Variants in MVK observed in about 807,000 individuals in gnomAD.
MVK encodes LH receptor mRNA-binding protein.
Under a neutral mutation model 43.2 loss-of-function variants are expected in MVK, and 34 were observed. The ratio of observed to expected loss-of-function variants is 0.79; its 90% CI spans 0.60 to 1.05. The LOEUF (loss-of-function observed/expected upper bound fraction) is 1.05, where lower values mean the gene tolerates loss of function less well. MVK is among the 50% of genes least tolerant of loss of function. The pLI, the probability that MVK is intolerant of heterozygous loss-of-function variation, is 0.00. For synonymous variants in MVK, 190 were observed against 219.8 expected, an observed-to-expected ratio of 0.86 and a Z score of 1.20; for missense variants, 395 against 504.0, an observed-to-expected ratio of 0.78 and a Z score of 2.07.
rs1171848070 is a variant in MVK, at chr12:109,597,251, T to C, written c.*674T>C. 6.4e-6 allele frequency: 1 copy of C among 156,728 alleles called. No homozygotes were observed. Among genetic ancestry groups the C allele is most frequent in the African/African-American group, 2.4e-5 (1 of 41,472 alleles). 9.7% of individuals were successfully genotyped at this position (156,728 alleles called of 1,614,324 possible). ...AGATGGCAAATGGGGAATAAAAAGA[T>C]TTTGTGTCAACAGTAGAGACTCCAG... On this transcript the variant is annotated 3_prime_UTR_variant, in exon 11 of 11. Coordinates refer to ENST00000228510, the MANE Select transcript of MVK (RefSeq NM_000431.4).
chr12:109,586,799 G>T lies in MVK; in HGVS notation c.677G>T (p.Arg226Met). The T allele has an allele frequency of 6.2e-7, 1 of 1,614,116 alleles. No homozygotes were observed. The highest frequency in any genetic ancestry group is 8.5e-7 in the Non-Finnish European group (1 of 1,179,996). Residue 226 changes from arginine to methionine, a missense_variant and splice_region_variant, in exon 7 of 11, where the codon AGG becomes ATG. Arg to Met is a moderately conservative substitution (Grantham distance 91). Coordinates refer to ENST00000228510, the MANE Select transcript of MVK (RefSeq NM_000431.4). ...YHQGKISSLKRSPALQILLTN... is the reference protein window; with the variant it reads ...YHQGKISSLKMSPALQILLTN... Reference sequence around the variant, plus strand: ...CAAGGGAAGATTTCATCCTTAAAGAGGTAACCTGGGGGTGGAGCAGCACAT... The same window carrying T: ...CAAGGGAAGATTTCATCCTTAAAGATGTAACCTGGGGGTGGAGCAGCACAT...
intron 3 of MVK, chr12:109,579,370 G>A: frequency 5.7e-6 from 2 of 353,154 alleles, no homozygotes; most frequent in Non-Finnish European, 1.1e-5. Flanking sequence ...AAACTCCTAG[G>A]CACAAGTGAT....
chr12:109,574,206 C>T lies in MVK; in HGVS notation c.-15+333C>T, dbSNP rs531758779. ...TGTAAATTGCACACACCTATAGACC[C>T]TGCAAGCTCCTTTCTAGGACTCTGT... On this transcript the variant is annotated intron_variant, in intron 1 of 10. Transcript: ENST00000228510. Among the ~76,000 whole-genome samples, 4 of 152,300 alleles carry T rather than the reference C, an allele frequency of 2.6e-5. No homozygotes were observed. In the East Asian group the frequency reaches 7.7e-4, roughly 29 times the overall value.
intron 1 of MVK, among the ~76,000 whole-genome samples, chr12:109,574,414 G>C (rs1884828809): frequency 6.6e-6 from 1 of 152,246 alleles, no homozygotes. Context: ...ACGAAGAACA[G>C]AGCCAGTAAT....
chr12:109,594,101 AAG>A (rs1885809253), intron 9 of MVK, among the ~76,000 whole-genome samples: 1 of 151,886 alleles, frequency 6.6e-6, no homozygotes, highest in South Asian at 2.1e-4. Flanking sequence ...CACGACCAAA[AAG>A]GGGCAGAGCA....
rs78710155 is a variant in MVK at position 109,590,947 on chromosome 12, G to C, written c.768+86G>C. Reference sequence around the variant, plus strand: ...TTTTCGAGGTCTCCCTCTGGCTGATGGGTTATAGGGGGTGTGGTGGGTGGT... The same window carrying C: ...TTTTCGAGGTCTCCCTCTGGCTGATCGGTTATAGGGGGTGTGGTGGGTGGT... On this transcript the variant is annotated intron_variant, in intron 8 of 10. Transcript: ENST00000228510. 3,819 of 1,381,892 alleles carry C rather than the reference G, an allele frequency of 2.8e-3. 96 individuals carry two copies. The African/African-American group carries it at 0.049, about 18-fold the overall frequency. The allele number at this position is 1,381,892 out of a possible 1,614,324, so 85.6% of individuals were successfully genotyped here. A position where few individuals can be genotyped will look rare whatever the true frequency, so the allele number is the denominator to read the frequency against.
intron 8 of MVK, 99 bp downstream of exon 8, chr12:109,590,960 TGTGGTGG>T: frequency 1.5e-6 from 2 of 1,298,968 alleles, no homozygotes; most frequent in Non-Finnish European, 2.2e-6. Context: ...TTATAGGGGG[TGTGGTGG>T]GTGGTGGGGG....
intron 3 of MVK, among the ~76,000 whole-genome samples, chr12:109,577,081 T>C (rs924301894): frequency 5.3e-5 from 8 of 152,212 alleles, no homozygotes; most frequent in African/African-American, 1.9e-4. Context: ...GACAGGGAGA[T>C]ATCTTGGTTT....
At chr12:109,588,000 G>A (rs1453471592) in intron 7 of MVK, 1 of 104,992 alleles carries the variant, frequency 9.5e-6, no homozygotes, top group East Asian at 2.6e-4. Flanking sequence ...CACCCTTGCC[G>A]CCGACCTTTG....
chr12:109,580,116 C>CT (rs1395040358), intron 4 of MVK, among the ~76,000 whole-genome samples, 170 bp downstream of exon 4: 2 of 151,914 alleles, frequency 1.3e-5, no homozygotes, highest in Non-Finnish European at 2.9e-5. Flanking sequence ...TATGGCGTGC[C>CT]TTTTTTTTGA....
intron 7 of MVK, chr12:109,589,754 T>A (rs1885590513): frequency 6.6e-6 from 1 of 152,240 alleles, no homozygotes; most frequent in Non-Finnish European, 1.5e-5. Flanking sequence ...TCTGCCCGTC[T>A]CCAGCTGTCT....
chr12:109,573,347 C>G (rs780742465), upstream of MVK: 1 of 1,613,306 alleles, frequency 6.2e-7, no homozygotes, highest in South Asian at 1.1e-5. Flanking sequence ...AGCCACTCAC[C>G]TGTCCCCGTC....
chr12:109,573,857 G>A lies in MVK; in HGVS notation c.-31G>A. On this transcript the variant is annotated 5_prime_UTR_variant, in exon 1 of 11. Coordinates refer to ENST00000228510, the MANE Select transcript of MVK (RefSeq NM_000431.4). Reference sequence around the variant, plus strand: ...GGCGCGGAGGGGCGGCGGCCGGGGAGGCGGCGGCGGCGGCAGGTGAGAGGC... The same window carrying A: ...GGCGCGGAGGGGCGGCGGCCGGGGAAGCGGCGGCGGCGGCAGGTGAGAGGC... 1 of 205,044 alleles carries A rather than the reference G, an allele frequency of 4.9e-6. No individual in the cohort carries two copies. 12.7% of individuals were successfully genotyped at this position (205,044 alleles called of 1,614,324 possible).
At position 109,595,219 on chromosome 12, in the gene MVK, GCTC is replaced by G. The variant is rs761824145; in HGVS notation, c.1039+41_1039+43del. The G allele has an allele frequency of 6.2e-7, 1 of 1,611,948 alleles. No individual in the cohort carries two copies. The highest frequency in any genetic ancestry group is 1.1e-5 in the South Asian group (1 of 91,028). On this transcript the variant is annotated intron_variant, in intron 10 of 10. Transcript: ENST00000228510. The surrounding 1 kb of genome is among the most constrained non-coding windows in gnomAD (Gnocchi z 5.9). The stretch of plus-strand genomic sequence containing the variant: ...TAGGTGGGCCAGGCTGCCAGCCTGG[GCTC>G]CTAAGAGGGGTCCACCTGGAGAATT...
chr12:109,582,989 A>G (rs1377693078), intron 5 of MVK, among the ~76,000 whole-genome samples: 6 of 151,194 alleles, frequency 4.0e-5, no homozygotes, highest in African/African-American at 1.5e-4. Flanking sequence ...AATTCAGCCC[A>G]TCGTACTCTT....
At chr12:109,589,069 C>T (rs1301138548) in intron 7 of MVK, 1 of 152,572 alleles carries the variant, frequency 6.6e-6, no homozygotes, top group African/African-American at 2.4e-5. Flanking sequence ...GACACAGTAG[C>T]TGGGAGGTCA....
Position 109,596,993 on chromosome 12 carries a change from C to G in MVK, c.*416C>G, listed in dbSNP as rs1348569687. 1 of 279,864 alleles carries G rather than the reference C, an allele frequency of 3.6e-6. No individual in the cohort carries two copies. Among genetic ancestry groups the G allele is most frequent in the African/African-American group, 2.2e-5 (1 of 45,558 alleles). The allele number at this position is 279,864 out of a possible 1,614,324, so 17.3% of individuals were successfully genotyped here. ...TCCCTTTTCAGGGACCGCCCCCTGT[C>G]TCTCAGGGCCAGGCCTCTCCCTCCT... is the stretch of plus-strand genomic sequence containing the variant. On this transcript the variant is annotated 3_prime_UTR_variant, in exon 11 of 11. Transcript: ENST00000228510.
At chr12:109,585,769 GAAAA>G (rs907573594) in intron 5 of MVK, among the ~76,000 whole-genome samples, 2 of 149,038 alleles carry the variant, frequency 1.3e-5, no homozygotes, top group East Asian at 2.0e-4. Context: ...CAAAAAAAAA[GAAAA>G]AAAAAGAGGC....
At position 109,590,849 on chromosome 12, in the gene MVK, C is replaced by T; in HGVS notation, c.756C>T (p.Asn252=). ...NTRALVAGVR[N]RLLKFPEIVA... is the part of the protein sequence containing the mutation. ...GGGCCCTTGTGGCTGGCGTCAGAAACAGGCTGCTCAAGGTGACTCTTGTTC... is the reference window on the plus strand; with the variant it reads ...GGGCCCTTGTGGCTGGCGTCAGAAATAGGCTGCTCAAGGTGACTCTTGTTC... Residue 252 remains asparagine (N), a synonymous_variant, in exon 8 of 11, where the codon AAC becomes AAT. Transcript: ENST00000228510. 5.6e-6 allele frequency: 9 copies of T among 1,614,170 alleles called. No homozygotes were observed. The highest frequency in any genetic ancestry group is 7.6e-6 in the Non-Finnish European group (9 of 1,180,008).
Sources: allele counts gnomAD v4.1 joint callset (sites outside exome capture counted in the v4.1 genomes callset), GRCh38; gene constraint gnomAD v4.1.1; non-coding constraint Gnocchi (gnomAD v3.1); transcripts MANE v1.5; gene names NCBI Gene and HGNC (gene_info 2026-07-23, HGNC 2026-07-21).